WDPCP: variants seen among roughly 807,000 people sequenced by gnomAD.
WDPCP encodes the protein WD repeat-containing and planar cell polarity effector protein fritz homolog.
In WDPCP, 71 loss-of-function variants were observed where a neutral mutation model predicts 93.1. The ratio of observed to expected loss-of-function variants is 0.76; its 90% CI spans 0.63 to 0.93. The LOEUF (loss-of-function observed/expected upper bound fraction) is 0.93, where lower values mean the gene tolerates loss of function less well. Ranked by LOEUF, WDPCP falls within the 40% of genes least tolerant of loss-of-function variation. The pLI is 0.00. For synonymous variants in WDPCP, 315 were observed against 315.0 expected (o/e 1.00, Z 0.00); for missense variants, 844 against 887.4 (o/e 0.95, Z 0.62).
At chr2:63,726,505 G>C (rs1669499283) in intron 2 of WDPCP, among the ~76,000 whole-genome samples, 1 of 152,098 alleles carries the variant, frequency 6.6e-6, no homozygotes, top group African/African-American at 2.4e-5. Flanking sequence ...TGTTCTTTTT[G>C]CTTAGGATTG....
chr2:63,123,886 T>A (rs1230529752), intron 17 of WDPCP, among the ~76,000 whole-genome samples: 2 of 150,754 alleles, frequency 1.3e-5, no homozygotes, highest in Non-Finnish European at 3.0e-5. Flanking sequence ...TATATATATA[T>A]AATTCTGTAT....
chr2:63,189,499 C>CAG lies in WDPCP; in HGVS notation c.1916-14668_1916-14667insCT, dbSNP rs1674880231. The stretch of plus-strand genomic sequence containing the variant: ...ATTTGTCTCCATAGAAAAATGAGGG[C>CAG]CTGGAGCTTCCTAATCTGCCATCTT... On this transcript the variant is annotated intron_variant, in intron 14 of 17. Coordinates refer to ENST00000272321, the MANE Select transcript of WDPCP (RefSeq NM_015910.7). 2.0e-5 allele frequency among the ~76,000 whole-genome samples: 3 copies of CAG among 152,094 alleles called. No homozygotes were observed. In the South Asian group the frequency reaches 6.2e-4, roughly 32 times the overall value.
chr2:63,575,392 A>G (rs1183616180), intron 1 of WDPCP, among the ~76,000 whole-genome samples: 7 of 86,204 alleles, frequency 8.1e-5, no homozygotes, highest in Admixed American at 1.1e-4. Context: ...TATACACGGT[A>G]TATACAGTAT....
At chr2:63,292,116 G>GAGCA (rs1470625483) in intron 13 of WDPCP, among the ~76,000 whole-genome samples, 24 of 118,646 alleles carry the variant, frequency 2.0e-4, no homozygotes, top group African/African-American at 8.1e-4. Context: ...CTGGGCGACA[G>GAGCA]AGCAAGACTC....
chr2:63,379,264 C>A (rs539618732), intron 11 of WDPCP, among the ~76,000 whole-genome samples: 33 of 152,222 alleles, frequency 2.2e-4, no homozygotes, highest in African/African-American at 7.9e-4. Flanking sequence ...AGAGTATGTA[C>A]GAGAACACTA....
intron 1 of WDPCP, among the ~76,000 whole-genome samples, chr2:63,582,122 C>A (rs1387824996): frequency 1.3e-5 from 2 of 151,922 alleles, no homozygotes; most frequent in Non-Finnish European, 2.9e-5. Context: ...CAACCCAGGA[C>A]TGGCAGACAT....
chr2:63,566,067 C>T (rs1305353531), intron 1 of WDPCP, among the ~76,000 whole-genome samples: 1 of 152,214 alleles, frequency 6.6e-6, no homozygotes, highest in Non-Finnish European at 1.5e-5. Flanking sequence ...CTTCTCCAAC[C>T]TCAAATTCTC....
intron 3 of WDPCP, chr2:63,599,433 TA>T: frequency 1.2e-6 from 1 of 800,454 alleles, no homozygotes. Context: ...AAATTAAAAG[TA>T]AATTATTATT....
At chr2:63,768,285 T>C (rs1435017768) in intron 2 of WDPCP, among the ~76,000 whole-genome samples, 1 of 151,982 alleles carries the variant, frequency 6.6e-6, no homozygotes, top group Non-Finnish European at 1.5e-5. Flanking sequence ...ACTATTTGAC[T>C]ATTTTTATGC....
At chr2:63,189,730 T>C (rs1441312422) in intron 14 of WDPCP, among the ~76,000 whole-genome samples, 1 of 152,204 alleles carries the variant, frequency 6.6e-6, no homozygotes, top group Non-Finnish European at 1.5e-5. Flanking sequence ...ATATAGCATA[T>C]GGACTGTCTC....
intron 1 of WDPCP, among the ~76,000 whole-genome samples, chr2:63,526,055 C>T (rs1449711409): frequency 6.7e-6 from 1 of 148,750 alleles, no homozygotes; most frequent in African/African-American, 2.5e-5. Flanking sequence ...GCTGTTGCTA[C>T]TGTGTGTGTG....
At chr2:63,185,548 T>G (rs1379060967) in intron 14 of WDPCP, among the ~76,000 whole-genome samples, 3 of 152,200 alleles carry the variant, frequency 2.0e-5, no homozygotes, top group Non-Finnish European at 4.4e-5. Flanking sequence ...TTTCAAATGC[T>G]GTTTGTAGTA....
chr2:63,603,655 C>CTTTTTTTTTTT (rs11297982), intron 3 of WDPCP, among the ~76,000 whole-genome samples: 1 of 99,112 alleles, frequency 1.0e-5, no homozygotes, highest in Non-Finnish European at 1.9e-5. Context: ...CAAGACATTT[C>CTTTTTTTTTTT]TTTTTTTTTT....
chr2:63,836,768 G>A, the WDPCP span, among the ~76,000 whole-genome samples: 97 of 152,218 alleles, frequency 6.4e-4, no homozygotes, highest in Middle Eastern at 6.8e-3. Context: ...TCTCCTCTGG[G>A]GAACATGCAG....
At chr2:63,317,116 C>T (rs1686702613) in intron 12 of WDPCP, among the ~76,000 whole-genome samples, 1 of 152,148 alleles carries the variant, frequency 6.6e-6, no homozygotes, top group African/African-American at 2.4e-5. Context: ...AATGGCCATA[C>T]TACAGATTCA....
intron 3 of WDPCP, among the ~76,000 whole-genome samples, chr2:63,645,917 T>C (rs922930199): frequency 1.3e-5 from 2 of 152,164 alleles, no homozygotes; most frequent in African/African-American, 4.8e-5. Flanking sequence ...GTGTTTCTTG[T>C]AGGCAAGGGA....
chr2:63,793,290 A>G (rs912883884), intron 2 of WDPCP, among the ~76,000 whole-genome samples: 1 of 152,130 alleles, frequency 6.6e-6, no homozygotes, highest in African/African-American at 2.4e-5. Context: ...TCTTTTTAAG[A>G]ATAAAACTAT....
intron 13 of WDPCP, among the ~76,000 whole-genome samples, chr2:63,266,337 C>T (rs944240094): frequency 9.2e-5 from 14 of 151,878 alleles, no homozygotes; most frequent in African/African-American, 2.9e-4. Flanking sequence ...AGTAAAGTTG[C>T]AGGTTATAAA....
intron 10 of WDPCP, among the ~76,000 whole-genome samples, chr2:63,396,012 A>C (rs755258327): frequency 6.6e-6 from 1 of 152,172 alleles, no homozygotes; most frequent in Non-Finnish European, 1.5e-5. Context: ...TACAGGTATT[A>C]GCCACCGTGC....
Sources: gnomAD v4.1 joint callset for allele counts (sites outside exome capture counted in the v4.1 genomes callset) on GRCh38, gnomAD v4.1.1 for gene constraint, MANE v1.5 for transcripts, NCBI Gene and HGNC (gene_info 2026-07-23, HGNC 2026-07-21) for gene names.